Variants in TMEM183A observed in about 807,000 individuals in gnomAD.
TMEM183A encodes the protein chromosome 1 open reading frame 37.
A neutral mutation model predicts 46.7 loss-of-function variants in TMEM183A; 21 were observed. The observed-to-expected ratio is 0.45, with a 90% CI of 0.32 to 0.65. The LOEUF is 0.65. Ranked by LOEUF, TMEM183A falls within the 30% of genes least tolerant of loss-of-function variation. TMEM183A has a pLI of 0.04. For synonymous variants in TMEM183A, 165 were observed against 180.2 expected (o/e 0.92, Z 0.68); for missense variants, 331 against 481.9 (o/e 0.69, Z 2.93).
chr1:203,016,220 C>G (rs1278343427), intron 5 of TMEM183A, 80 bp downstream of exon 5: 1 of 1,594,762 alleles, frequency 6.3e-7, no homozygotes, highest in Admixed American at 1.7e-5. Context: ...CTCCAGCTTC[C>G]TTGATGGGGA....
chr1:203,024,601 G>C lies in TMEM183A; in HGVS notation c.*1561G>C, dbSNP rs951018510. 38 of 151,828 alleles carry C rather than the reference G, an allele frequency of 2.5e-4. No homozygotes were observed. Among genetic ancestry groups the C allele is most frequent in the African/African-American group, 8.7e-4 (36 of 41,280 alleles). 9.4% of individuals were successfully genotyped at this position (151,828 alleles called of 1,614,324 possible). Reference sequence around the variant, plus strand: ...GGGTGGTATTAAAACTGTTCACACAGAGTGAGCCTGGGTCAGTCAAAAACA... The same window carrying C: ...GGGTGGTATTAAAACTGTTCACACACAGTGAGCCTGGGTCAGTCAAAAACA... On this transcript the variant is annotated 3_prime_UTR_variant, in exon 8 of 8. Coordinates refer to ENST00000367242, the MANE Select transcript of TMEM183A (RefSeq NM_138391.6).
intron 6 of TMEM183A, among the ~76,000 whole-genome samples, chr1:203,020,545 T>G (rs1657563809): frequency 1.3e-5 from 2 of 152,350 alleles, no homozygotes; most frequent in South Asian, 2.1e-4. Flanking sequence ...TTTCCATTTC[T>G]TGTCAGATGG....
At position 203,007,472 on chromosome 1, in the gene TMEM183A, CG is replaced by C. The variant is rs1437423597; in HGVS notation, c.12del (p.Gly6AlafsTer3). MA[R>X]GPGPLGRPRP... ...CGGCTCTCCGGCCGGAGACATGGCC[CG>C]GGGGCCCGGCCCGCTAGGCAGGCCT... On this transcript the variant is annotated frameshift_variant, in exon 1 of 8. Transcript: ENST00000367242. LOFTEE classifies it high-confidence loss of function. 4.8e-6 allele frequency: 7 copies of C among 1,445,888 alleles called. No individual in the cohort carries two copies. Among genetic ancestry groups the C allele is most frequent in the East Asian group, 2.9e-5 (1 of 34,894 alleles). The allele number at this position is 1,445,888 out of a possible 1,614,324, so 89.6% of individuals were successfully genotyped here. A position where few individuals can be genotyped will look rare whatever the true frequency, so the allele number is the denominator to read the frequency against.
intron 6 of TMEM183A, among the ~76,000 whole-genome samples, chr1:203,020,118 G>A (rs1195080684): frequency 6.6e-6 from 1 of 152,146 alleles, no homozygotes; most frequent in African/African-American, 2.4e-5. Flanking sequence ...CGTGATGGCA[G>A]GTGGGTTACA....
At chr1:203,020,564 A>G (rs974424801) in intron 6 of TMEM183A, among the ~76,000 whole-genome samples, 1 of 152,352 alleles carries the variant, frequency 6.6e-6, no homozygotes, top group African/African-American at 2.4e-5. Flanking sequence ...GGCAAGGAAT[A>G]CCATCTAAAC....
At position 203,007,586 on chromosome 1, in the gene TMEM183A, G is replaced by A. The variant is rs1014807825; in HGVS notation, c.109+12G>A. The A allele has an allele frequency of 6.5e-7, 1 of 1,542,054 alleles. No homozygotes were observed. Among genetic ancestry groups the A allele is most frequent in the Non-Finnish European group, 8.7e-7 (1 of 1,148,406 alleles). ...CTGCTCCGGCCGAGGTGGGCGAGGG[G>A]GGCAGGGGCGCTGAAACATTTTGGG... On this transcript the variant is annotated intron_variant, in intron 1 of 7. Coordinates refer to ENST00000367242, the MANE Select transcript of TMEM183A (RefSeq NM_138391.6).
chr1:203,007,937 CAGTCCTTT>C (rs1258683951), intron 2 of TMEM183A, 74 bp downstream of exon 2: 63 of 1,571,016 alleles, frequency 4.0e-5, no homozygotes, highest in Middle Eastern at 1.7e-4. Flanking sequence ...GTTTTTCTTG[CAGTCCTTT>C]AGTCGTCTTC....
chr1:203,008,879 C>T (rs1449053567), intron 3 of TMEM183A, 69 bp downstream of exon 3: 3 of 1,421,982 alleles, frequency 2.1e-6, no homozygotes, highest in South Asian at 1.6e-5. Flanking sequence ...GTTACTTTCC[C>T]AGTAGCACAG....
At chr1:203,015,264 C>T (rs1372405567) in intron 4 of TMEM183A, 2 of 636,730 alleles carry the variant, frequency 3.1e-6, no homozygotes, top group Non-Finnish European at 5.2e-6. Flanking sequence ...TCCTTCCCCA[C>T]TCCAGTATCC....
Position 203,013,812 on chromosome 1 carries a change from C to G in TMEM183A, c.368-1077C>G, listed in dbSNP as rs28540464. Among the ~76,000 whole-genome samples, 2 of 151,692 alleles carry G rather than the reference C, an allele frequency of 1.3e-5. No homozygotes were observed. The highest frequency in any genetic ancestry group is 1.5e-5 in the Non-Finnish European group (1 of 67,926). On this transcript the variant is annotated intron_variant, in intron 3 of 7. Coordinates refer to ENST00000367242, the MANE Select transcript of TMEM183A (RefSeq NM_138391.6). This position sits in a 1 kb window ranked among gnomAD's most constrained non-coding sequence, Gnocchi z 4.0. ...ACAGGCGTGAGCCACCGTGCCCGGCCTAAGTGCCATCTCAGCTCACTGCAA... is the reference window on the plus strand; with the variant it reads ...ACAGGCGTGAGCCACCGTGCCCGGCGTAAGTGCCATCTCAGCTCACTGCAA...
intron 5 of TMEM183A, among the ~76,000 whole-genome samples, chr1:203,018,180 C>G (rs1040028528): frequency 8.5e-5 from 13 of 152,196 alleles, no homozygotes; most frequent in Non-Finnish European, 1.3e-4. Flanking sequence ...GCTCCAGTCT[C>G]TAGATACCAT....
chr1:203,012,966 C>A (rs1388674832), intron 3 of TMEM183A, among the ~76,000 whole-genome samples: 1 of 152,186 alleles, frequency 6.6e-6, no homozygotes, highest in African/African-American at 2.4e-5. Flanking sequence ...GCCATCCTCC[C>A]ACCTTGGCCT....
At chr1:203,010,185 G>A (rs1441161421) in intron 3 of TMEM183A, among the ~76,000 whole-genome samples, 1 of 151,892 alleles carries the variant, frequency 6.6e-6, no homozygotes, top group Non-Finnish European at 1.5e-5. Context: ...TGTATTTTTG[G>A]TCTCAGATTT....
chr1:203,022,986 C>T lies in TMEM183A; in HGVS notation c.1077C>T (p.Ser359=), dbSNP rs1324851529. 9 of 1,597,672 alleles carry T rather than the reference C, an allele frequency of 5.6e-6. No individual in the cohort carries two copies. Among genetic ancestry groups the T allele is most frequent in the Non-Finnish European group, 7.7e-6 (9 of 1,167,684 alleles). ...GVQVILDPVH[S]VRLFDWWHPQ... ...AAGTCATCCTGGACCCAGTGCACAG[C>T]GTTCGGCTCTTTGACTGGTGGCATC... Residue 359 remains serine, a synonymous_variant, in exon 8 of 8, where the codon AGC becomes AGT. Coordinates refer to ENST00000367242, the MANE Select transcript of TMEM183A (RefSeq NM_138391.6).
chr1:203,014,044 C>T (rs1050426838), intron 3 of TMEM183A, among the ~76,000 whole-genome samples: 19 of 152,248 alleles, frequency 1.2e-4, no homozygotes, highest in Non-Finnish European at 1.5e-4. Context: ...TGAGCCACTA[C>T]GCCCGGCCTG....
At chr1:203,009,697 T>G (rs1468188480) in intron 3 of TMEM183A, among the ~76,000 whole-genome samples, 1 of 152,176 alleles carries the variant, frequency 6.6e-6, no homozygotes, top group Non-Finnish European at 1.5e-5. Flanking sequence ...TTGCCTAGGC[T>G]AGATTTGAGC....
At chr1:203,007,897 C>T (rs754516203) in intron 2 of TMEM183A, 34 bp downstream of exon 2, 3 of 1,612,160 alleles carry the variant, frequency 1.9e-6, no homozygotes, top group African/African-American at 2.7e-5. Flanking sequence ...AGACTCATGC[C>T]GCGAAGACAG....
intron 5 of TMEM183A, among the ~76,000 whole-genome samples, chr1:203,017,541 A>G (rs1224703239): frequency 5.3e-5 from 8 of 152,220 alleles, no homozygotes; most frequent in African/African-American, 1.9e-4. Flanking sequence ...CCAGATAGTA[A>G]GCCCAGGCCA....
chr1:203,009,235 C>G (rs1267058999), intron 3 of TMEM183A, among the ~76,000 whole-genome samples: 1 of 152,180 alleles, frequency 6.6e-6, no homozygotes, highest in Non-Finnish European at 1.5e-5. Flanking sequence ...TTGTTACACA[C>G]AAACATAGAC....
Sources: allele counts gnomAD v4.1 joint callset (sites outside exome capture counted in the v4.1 genomes callset), GRCh38; gene constraint gnomAD v4.1.1; non-coding constraint Gnocchi (gnomAD v3.1); transcripts MANE v1.5; gene names NCBI Gene and HGNC (gene_info 2026-07-23, HGNC 2026-07-21).